The following CMTM8 variants were observed in gnomAD, a reference collection of about 807,000 sequenced individuals.
The protein encoded by CMTM8 is CKLF like MARVEL transmembrane domain containing 8.
Under a neutral mutation model 18.6 loss-of-function variants are expected in CMTM8, and 12 were observed. The ratio of observed to expected loss-of-function variants is 0.65; its 90% confidence interval spans 0.41 to 1.05. The LOEUF (loss-of-function observed/expected upper bound fraction) is 1.05. Among genes scored for constraint, CMTM8 ranks in the 50% least tolerant of loss-of-function variants. CMTM8 has a pLI of 0.00. For missense variants in CMTM8, 217 were observed against 227.2 expected (o/e 0.95, Z 0.29); for synonymous variants, 87 against 90.6 (o/e 0.96, Z 0.23).
chr3:32,351,641 G>GA (rs1696709459), intron 1 of CMTM8, among the ~76,000 whole-genome samples: 2 of 151,912 alleles, frequency 1.3e-5, no homozygotes, highest in South Asian at 4.2e-4. Context: ...GAGCCCAGGA[G>GA]GTAGAGGCTG....
At chr3:32,244,575 C>G (rs1701986783) in intron 1 of CMTM8, among the ~76,000 whole-genome samples, 1 of 152,172 alleles carries the variant, frequency 6.6e-6, no homozygotes, top group East Asian at 1.9e-4. Context: ...TATATTTTCT[C>G]ATGATTTTTT....
chr3:32,335,730 G>A (rs1370599684), intron 1 of CMTM8, among the ~76,000 whole-genome samples: 1 of 152,188 alleles, frequency 6.6e-6, no homozygotes, highest in East Asian at 1.9e-4. Flanking sequence ...CTGTTTGAAA[G>A]AAGGTCTGAT....
chr3:32,357,121 G>A (rs981443358), intron 1 of CMTM8, among the ~76,000 whole-genome samples: 3 of 152,138 alleles, frequency 2.0e-5, no homozygotes, highest in African/African-American at 7.2e-5. Context: ...CTGCACGCCT[G>A]TAATCCTAGC....
intron 1 of CMTM8, among the ~76,000 whole-genome samples, chr3:32,281,255 C>T (rs1470845090): frequency 1.3e-5 from 2 of 152,116 alleles, no homozygotes; most frequent in Non-Finnish European, 2.9e-5. Context: ...TTTCTCTTAC[C>T]CATCAAAAGA....
At chr3:32,289,837 G>A (rs1272290733) in intron 1 of CMTM8, among the ~76,000 whole-genome samples, 1 of 152,112 alleles carries the variant, frequency 6.6e-6, no homozygotes, top group Non-Finnish European at 1.5e-5. Flanking sequence ...TACAAGGATG[G>A]GGGAAAAAGG....
intron 1 of CMTM8, among the ~76,000 whole-genome samples, chr3:32,249,421 T>C (rs1702086203): frequency 7.1e-6 from 1 of 141,042 alleles, no homozygotes; most frequent in Admixed American, 7.2e-5. Context: ...CAAAGTAAGA[T>C]CCTACCTCAA....
chr3:32,295,906 A>G (rs796619317), intron 1 of CMTM8, among the ~76,000 whole-genome samples: 7 of 152,194 alleles, frequency 4.6e-5, no homozygotes, highest in African/African-American at 1.4e-4. Flanking sequence ...AAAATGTTCC[A>G]TGCTGTCTCA....
intron 1 of CMTM8, among the ~76,000 whole-genome samples, chr3:32,316,511 G>A (rs17029201): frequency 0.097 from 14,706 of 152,230 alleles, 777 homozygotes; most frequent in South Asian, 0.16. Context: ...TTAGTAAAAA[G>A]TTGACAGAAG....
At chr3:32,278,836 TAGAAC>T (rs1427756089) in intron 1 of CMTM8, among the ~76,000 whole-genome samples, 3 of 152,218 alleles carry the variant, frequency 2.0e-5, no homozygotes, top group Admixed American at 6.5e-5. Context: ...AGACACTTCC[TAGAAC>T]TTAAAAGCAT....
At chr3:32,268,281 C>A (rs989761162) in intron 1 of CMTM8, among the ~76,000 whole-genome samples, 5 of 152,176 alleles carry the variant, frequency 3.3e-5, no homozygotes, top group African/African-American at 1.2e-4. Flanking sequence ...ATGATGAGTT[C>A]ATGTCCTTTG....
chr3:32,280,233 C>T (rs894381982), intron 1 of CMTM8, among the ~76,000 whole-genome samples: 5 of 152,016 alleles, frequency 3.3e-5, no homozygotes, highest in Non-Finnish European at 2.9e-5. Flanking sequence ...GGCTGATTCA[C>T]GCTGATTTCC....
chr3:32,319,057 C>CATACATACATATATATATATATAT (rs1206855049), intron 1 of CMTM8, among the ~76,000 whole-genome samples: 12 of 45,880 alleles, frequency 2.6e-4, no homozygotes, highest in African/African-American at 1.2e-3. Context: ...TGTGTATATA[C>CATACATACATATATATATATATAT]ATATATATAT....
intron 1 of CMTM8, among the ~76,000 whole-genome samples, chr3:32,282,690 T>C (rs1426927426): frequency 1.3e-5 from 2 of 152,140 alleles, no homozygotes; most frequent in Admixed American, 6.5e-5. Flanking sequence ...CCACTTCCCA[T>C]TGCATTTGGA....
intron 1 of CMTM8, among the ~76,000 whole-genome samples, chr3:32,261,590 G>A (rs1021070371): frequency 2.0e-5 from 3 of 152,272 alleles, no homozygotes; most frequent in Admixed American, 6.5e-5. Context: ...TTCTAGGAAG[G>A]TGCCCGTACT....
In CMTM8 at chr3:32,240,207, G is replaced by T. The variant is rs1437690685; in HGVS notation, c.147+1088G>T. On this transcript the variant is annotated intron_variant, in intron 1 of 3. Transcript: ENST00000307526. ...CTGAAGTAAATCTTGTGTACCTCAA[G>T]TAGCTTGCTTGCTCCCCCAGTCTCA... Among the ~76,000 whole-genome samples the T allele has an allele frequency of 5.9e-5, 9 of 152,218 alleles. No individual in the cohort carries two copies. The East Asian group carries it at 1.7e-3, about 29-fold the overall frequency.
chr3:32,335,221 C>G (rs1449814589), intron 1 of CMTM8, among the ~76,000 whole-genome samples: 1 of 152,196 alleles, frequency 6.6e-6, no homozygotes, highest in Non-Finnish European at 1.5e-5. Context: ...AAGCTGACAC[C>G]AGGCTGTGCC....
chr3:32,332,178 A>G (rs901384734), intron 1 of CMTM8, among the ~76,000 whole-genome samples: 1 of 152,220 alleles, frequency 6.6e-6, no homozygotes, highest in African/African-American at 2.4e-5. Flanking sequence ...GCATAGTACA[A>G]TTAGAAAAGC....
intron 1 of CMTM8, among the ~76,000 whole-genome samples, chr3:32,268,260 A>C (rs1702379444): frequency 6.6e-6 from 1 of 152,214 alleles, no homozygotes; most frequent in African/African-American, 2.4e-5. Flanking sequence ...AATACTATGC[A>C]GCTATAAAAA....
At chr3:32,247,254 C>T (rs938271039) in intron 1 of CMTM8, among the ~76,000 whole-genome samples, 2 of 151,622 alleles carry the variant, frequency 1.3e-5, no homozygotes, top group African/African-American at 4.8e-5. Flanking sequence ...TTAAAGTCTA[C>T]AACTCAGGGG....
Sources: allele counts gnomAD v4.1 joint callset (sites outside exome capture counted in the v4.1 genomes callset), GRCh38; gene constraint gnomAD v4.1.1; transcripts MANE v1.5; gene names NCBI Gene and HGNC (gene_info 2026-07-23, HGNC 2026-07-21).